The following RRP15 variants were observed in gnomAD, a reference collection of about 807,000 sequenced individuals.
The protein encoded by RRP15 is RRP15-like protein.
RRP15 carries 18 observed loss-of-function variants against 27.1 expected under a neutral mutation model. That is an observed-to-expected ratio of 0.66 (90% CI 0.46 to 0.98). The LOEUF (loss-of-function observed/expected upper bound fraction) is 0.98. Among genes scored for constraint, RRP15 ranks in the 50% least tolerant of loss-of-function variants. The pLI is 0.00. For synonymous variants in RRP15, 107 were observed against 109.4 expected, an observed-to-expected ratio of 0.98 and a Z score of 0.14; for missense variants, 359 against 337.8, an observed-to-expected ratio of 1.06 and a Z score of -0.49.
Position 218,337,808 on chromosome 1 carries a change from T to C in RRP15, c.*6717T>C, listed in dbSNP as rs1283021802. On this transcript the variant is annotated 3_prime_UTR_variant, in exon 5 of 5. Coordinates refer to ENST00000366932, the MANE Select transcript of RRP15 (RefSeq NM_016052.4). ...ACTGTTTAATAGAGCATTATTGATA[T>C]TAGCTGTATTAGATGACTGTATGAA... The C allele has an allele frequency of 6.6e-6, 1 of 152,184 alleles. No homozygotes were observed. The highest frequency in any genetic ancestry group is 1.5e-5 in the Non-Finnish European group (1 of 68,014). The allele number at this position is 152,184 out of a possible 1,614,324, so 9.4% of individuals were successfully genotyped here.
rs139831875 is a variant in RRP15 at position 218,330,991 on chromosome 1, G to C, written c.749G>C (p.Arg250Pro). Reference sequence around the variant, plus strand: ...GAAGGCCCAGGTTGGACGATCCTACGTGATGATTTCATGATGGGAGCATCT... The same window carrying C: ...GAAGGCCCAGGTTGGACGATCCTACCTGATGATTTCATGATGGGAGCATCT... ...SEEGPGWTIL[R>P]DDFMMGASMK... is the part of the protein sequence containing the mutation. Residue 250 changes from arginine to proline, a missense_variant, in exon 5 of 5, where the codon CGT becomes CCT. By Grantham distance (103) the Arg-to-Pro change is moderately radical (BLOSUM62 -2). Coordinates refer to ENST00000366932, the MANE Select transcript of RRP15 (RefSeq NM_016052.4). The C allele has an allele frequency of 3.1e-6, 5 of 1,613,670 alleles. No individual in the cohort carries two copies. Among genetic ancestry groups the C allele is most frequent in the East Asian group, 2.2e-5 (1 of 44,858 alleles).
chr1:218,310,172 A>G (rs1179344942), intron 4 of RRP15, among the ~76,000 whole-genome samples: 1 of 152,226 alleles, frequency 6.6e-6, no homozygotes, highest in African/African-American at 2.4e-5. Flanking sequence ...CACCATAGCT[A>G]TTGTACTCTT....
chr1:218,325,274 A>G (rs974722681), intron 4 of RRP15, among the ~76,000 whole-genome samples: 1 of 152,210 alleles, frequency 6.6e-6, no homozygotes, highest in Non-Finnish European at 1.5e-5. Flanking sequence ...ATCTCCATTC[A>G]TTCTCATCCT....
chr1:218,323,465 G>A (rs879389694), intron 4 of RRP15, among the ~76,000 whole-genome samples: 4 of 152,162 alleles, frequency 2.6e-5, no homozygotes, highest in Admixed American at 2.6e-4. Flanking sequence ...GAGAGGAACT[G>A]AGTACCAATT....
chr1:218,318,532 A>G (rs1656125030), intron 4 of RRP15, among the ~76,000 whole-genome samples: 2 of 152,112 alleles, frequency 1.3e-5, no homozygotes, highest in South Asian at 2.1e-4. Flanking sequence ...TTATGGTGTC[A>G]TTTATCTTGT....
At chr1:218,328,620 G>A (rs758345661) in intron 4 of RRP15, among the ~76,000 whole-genome samples, 29 of 151,702 alleles carry the variant, frequency 1.9e-4, no homozygotes, top group Non-Finnish European at 3.2e-4. Context: ...CCGAGATTGC[G>A]CCACTGCACT....
intron 4 of RRP15, among the ~76,000 whole-genome samples, chr1:218,315,356 T>C (rs1656072331): frequency 6.6e-6 from 1 of 152,186 alleles, no homozygotes; most frequent in South Asian, 2.1e-4. Flanking sequence ...TTCTTGCTTC[T>C]AAAGACAGAA....
At chr1:218,299,837 A>G (rs1047831293) in intron 1 of RRP15, among the ~76,000 whole-genome samples, 1 of 152,138 alleles carries the variant, frequency 6.6e-6, no homozygotes, top group African/African-American at 2.4e-5. Flanking sequence ...AGCTAACTAT[A>G]TTCTTCAAAC....
chr1:218,324,261 G>A (rs1656235569), intron 4 of RRP15, among the ~76,000 whole-genome samples: 1 of 152,166 alleles, frequency 6.6e-6, no homozygotes, highest in African/African-American at 2.4e-5. Context: ...CAGGTGGCAT[G>A]GCCCCTGCCA....
intron 1 of RRP15, among the ~76,000 whole-genome samples, chr1:218,295,945 T>G (rs1362593934): frequency 1.3e-5 from 2 of 152,158 alleles, no homozygotes; most frequent in African/African-American, 2.4e-5. Context: ...GCATCAATTT[T>G]GAATATTCTA....
intron 3 of RRP15, 60 bp downstream of exon 3, chr1:218,305,185 A>G: frequency 7.7e-7 from 1 of 1,299,106 alleles, no homozygotes; most frequent in Non-Finnish European, 1.1e-6. Flanking sequence ...TAGTGGTTCT[A>G]TTTTTGACCC....
At position 218,285,326 on chromosome 1, in the gene RRP15, G is replaced by A; in HGVS notation, c.10G>A (p.Ala4Thr). The change falls in exon 1 of 5, where the codon GCC (alanine) becomes ACC (threonine). Residue 4 changes from alanine (A) to threonine (T), a missense_variant. Ala to Thr is a moderately conservative substitution (Grantham distance 58). Coordinates refer to ENST00000366932, the MANE Select transcript of RRP15 (RefSeq NM_016052.4). ...CTTCCGGCGCAGAAAAATGGCAGCC[G>A]CCGCTCCGGACTCACGTGTGAGTGA... is the stretch of plus-strand genomic sequence containing the variant. MAA[A>T]APDSRVSEEE... is the part of the protein sequence containing the mutation. 1 of 1,613,138 alleles carries A rather than the reference G, an allele frequency of 6.2e-7. No homozygotes were observed. The highest frequency in any genetic ancestry group is 1.7e-4 in the Middle Eastern group (1 of 6,044).
Position 218,331,687 on chromosome 1 carries a change from T to C in RRP15, c.*596T>C, listed in dbSNP as rs1222685226. 9.6e-6 allele frequency: 1 copy of C among 103,690 alleles called. No individual in the cohort carries two copies. The highest frequency in any genetic ancestry group is 1.9e-5 in the Non-Finnish European group (1 of 53,848). The allele number at this position is 103,690 out of a possible 1,614,324, so 6.4% of individuals were successfully genotyped here. A position where few individuals can be genotyped will look rare whatever the true frequency, so the allele number is the denominator to read the frequency against. ...TTTTTTTTTTTTTTTTTTTTTTTTT[T>C]TTTGAGACGGAGTCTTGCTCTGTGG... On this transcript the variant is annotated 3_prime_UTR_variant, in exon 5 of 5. Transcript: ENST00000366932.
In RRP15 at chr1:218,335,621, A is replaced by G. The variant is rs776095751; in HGVS notation, c.*4530A>G. The G allele has an allele frequency of 1.3e-5, 2 of 152,190 alleles. No homozygotes were observed. The highest frequency in any genetic ancestry group is 2.9e-5 in the Non-Finnish European group (2 of 68,034). 9.4% of individuals were successfully genotyped at this position (152,190 alleles called of 1,614,324 possible). A position where few individuals can be genotyped will look rare whatever the true frequency, so the allele number is the denominator to read the frequency against. ...TTTTTAATTTTACTTAATTACTTTA[A>G]ATTTTAAAAGTTACACGTGGCTAGT... is the stretch of plus-strand genomic sequence containing the variant. On this transcript the variant is annotated 3_prime_UTR_variant, in exon 5 of 5. Coordinates refer to ENST00000366932, the MANE Select transcript of RRP15 (RefSeq NM_016052.4).
At position 218,285,346 on chromosome 1, in the gene RRP15, G is replaced by C. The variant is rs1363145787; in HGVS notation, c.30G>C (p.Val10=). The C allele has an allele frequency of 1.2e-6, 2 of 1,614,166 alleles. No individual in the cohort carries two copies. Among genetic ancestry groups the C allele is most frequent in the African/African-American group, 2.7e-5 (2 of 75,046 alleles). ...CAGCCGCCGCTCCGGACTCACGTGTGAGTGAGGAAGAAAACCTGAAAAAGA... is the reference window on the plus strand; with the variant it reads ...CAGCCGCCGCTCCGGACTCACGTGTCAGTGAGGAAGAAAACCTGAAAAAGA... MAAAAPDSR[V]SEEENLKKTP... The change falls in exon 1 of 5, where the codon GTG becomes GTC. Residue 10 remains valine, a synonymous_variant. Transcript: ENST00000366932.
At chr1:218,288,476 A>G (rs141714452) in intron 1 of RRP15, among the ~76,000 whole-genome samples, 2,084 of 152,222 alleles carry the variant, frequency 0.014, 19 homozygotes, top group Non-Finnish European at 0.023. Context: ...AATTCTGACA[A>G]CTCTATGAGA....
chr1:218,301,548 T>C (rs562313013), intron 1 of RRP15: 4 of 152,430 alleles, frequency 2.6e-5, no homozygotes, highest in African/African-American at 9.6e-5. Context: ...TGAACTAGTT[T>C]GCTGGTAACC....
intron 4 of RRP15, among the ~76,000 whole-genome samples, chr1:218,324,376 T>A (rs528382836): frequency 6.6e-6 from 1 of 152,138 alleles, no homozygotes; most frequent in African/African-American, 2.4e-5. Flanking sequence ...GGCAGTGAGG[T>A]TGAGGCCATG....
At chr1:218,323,764 A>G (rs1215686732) in intron 4 of RRP15, among the ~76,000 whole-genome samples, 1 of 152,300 alleles carries the variant, frequency 6.6e-6, no homozygotes, top group East Asian at 1.9e-4. Flanking sequence ...GAGGGGGCCA[A>G]GGGGGCAGGG....
Sources: gnomAD v4.1 joint callset for allele counts (sites outside exome capture counted in the v4.1 genomes callset) on GRCh38, gnomAD v4.1.1 for gene constraint, MANE v1.5 for transcripts, NCBI Gene and HGNC (gene_info 2026-07-23, HGNC 2026-07-21) for gene names.